The following ARHGAP8 variants were observed in gnomAD, a reference collection of about 807,000 sequenced individuals.
The protein encoded by ARHGAP8 is Rho GTPase activating protein 8.
ARHGAP8 carries 62 observed loss-of-function variants against 46.1 expected under a neutral mutation model. The ratio of observed to expected loss-of-function variants is 1.34; its 90% confidence interval spans 1.10 to 1.66. The LOEUF (loss-of-function observed/expected upper bound fraction) is 1.66, where lower values mean the gene tolerates loss of function less well. Ranked by LOEUF, ARHGAP8 falls within the 40% of genes most tolerant of loss-of-function variation. ARHGAP8 has a pLI of 0.00. For missense variants in ARHGAP8, 923 were observed against 568.4 expected, an observed-to-expected ratio of 1.62 and a Z score of -6.34; for synonymous variants, 375 against 243.1, an observed-to-expected ratio of 1.54 and a Z score of -5.05.
chr22:44,848,048 A>G lies in ARHGAP8; in HGVS notation c.746A>G (p.Gln249Arg). Reference protein sequence around the residue: ...TVREIQRLYNQGKPVNFDDYG... With the variant: ...TVREIQRLYNRGKPVNFDDYG... Reference sequence around the variant, plus strand: ...CGCGAGATCCAGAGGCTCTACAACCAAGGTGAGGGTGTCCCGCAGTCCTGA... The same window carrying G: ...CGCGAGATCCAGAGGCTCTACAACCGAGGTGAGGGTGTCCCGCAGTCCTGA... The change falls in exon 9 of 12, where the codon CAA becomes CGA. Residue 249 changes from glutamine to arginine, a missense_variant and splice_region_variant. Physicochemically the swap from Gln to Arg is conservative, Grantham distance 43. Transcript: ENST00000356099. The G allele has an allele frequency of 6.2e-7, 1 of 1,606,258 alleles. No homozygotes were observed. Among genetic ancestry groups the G allele is most frequent in the Non-Finnish European group, 8.5e-7 (1 of 1,179,914 alleles).
chr22:44,800,398 A>C (rs963819758), intron 2 of ARHGAP8, among the ~76,000 whole-genome samples: 10 of 151,766 alleles, frequency 6.6e-5, no homozygotes, highest in Non-Finnish European at 1.5e-4. Context: ...GAGCCACTGC[A>C]CCCGGCCTGA....
At chr22:44,798,069 C>T (rs1372027808) in intron 2 of ARHGAP8, among the ~76,000 whole-genome samples, 5 of 151,536 alleles carry the variant, frequency 3.3e-5, no homozygotes, top group African/African-American at 1.2e-4. Context: ...CTCCACCTCC[C>T]GAGTTCAAGA....
intron 1 of ARHGAP8, among the ~76,000 whole-genome samples, chr22:44,759,009 A>G (rs1169688815): frequency 1.3e-5 from 2 of 152,220 alleles, no homozygotes; most frequent in Admixed American, 6.5e-5. Flanking sequence ...GGTAGGGATC[A>G]TGGCAGAGGC....
At chr22:44,835,494 G>C (rs549478220) in intron 7 of ARHGAP8, among the ~76,000 whole-genome samples, 1 of 152,060 alleles carries the variant, frequency 6.6e-6, no homozygotes, top group Admixed American at 6.6e-5. Flanking sequence ...GGTTGCAGGC[G>C]CCTATAGGCC....
intron 6 of ARHGAP8, among the ~76,000 whole-genome samples, 196 bp from the exon 7 acceptor site, chr22:44,825,287 T>G (rs935747627): frequency 6.6e-6 from 1 of 152,032 alleles, no homozygotes; most frequent in Middle Eastern, 3.2e-3. Flanking sequence ...CTGCCTCTTA[T>G]GCGAACAGCC....
At chr22:44,799,758 C>G (rs1416702724) in intron 2 of ARHGAP8, among the ~76,000 whole-genome samples, 1 of 148,888 alleles carries the variant, frequency 6.7e-6, no homozygotes, top group African/African-American at 2.5e-5. Context: ...GCGGGGCGGC[C>G]CATCTGTTCT....
At chr22:44,826,349 C>T (rs1200698366) in intron 7 of ARHGAP8, among the ~76,000 whole-genome samples, 3 of 152,176 alleles carry the variant, frequency 2.0e-5, no homozygotes, top group African/African-American at 4.8e-5. Flanking sequence ...ACCTGTCCTT[C>T]CTAATACCCT....
intron 1 of ARHGAP8, among the ~76,000 whole-genome samples, chr22:44,785,069 C>T (rs1243652584): frequency 2.0e-5 from 3 of 152,214 alleles, no homozygotes; most frequent in African/African-American, 7.2e-5. Context: ...TGGGAAGCAG[C>T]TTCCAGCCCA....
In ARHGAP8 at chr22:44,845,355, C is replaced by A. The variant is rs377592891; in HGVS notation, c.670+13C>A. The A allele has an allele frequency of 1.4e-4, 233 of 1,613,910 alleles. 3 individuals carry two copies. The South Asian group carries it at 2.4e-3, about 17-fold the overall frequency. The stretch of plus-strand genomic sequence containing the variant: ...CTGAGAGAGAAAGGTGAGACGGGGC[C>A]GGCTCCAGCTGGATGACGTGAGGGC... On this transcript the variant is annotated intron_variant, in intron 8 of 11. Coordinates refer to ENST00000356099, the MANE Select transcript of ARHGAP8 (RefSeq NM_181335.3).
chr22:44,763,904 G>A (rs1383822607), intron 1 of ARHGAP8, among the ~76,000 whole-genome samples: 4 of 150,756 alleles, frequency 2.7e-5, no homozygotes, highest in Non-Finnish European at 5.9e-5. Flanking sequence ...TCCACCTCCT[G>A]GGTTCACGCC....
intron 3 of ARHGAP8, 139 bp downstream of exon 3, chr22:44,802,303 A>AAGAGCT: frequency 9.0e-7 from 1 of 1,106,624 alleles, no homozygotes; most frequent in Non-Finnish European, 1.3e-6. Context: ...GAGCTCTTGC[A>AAGAGCT]CTCATGAGCC....
intron 11 of ARHGAP8, among the ~76,000 whole-genome samples, chr22:44,860,066 A>C (rs1020129544): frequency 2.7e-4 from 41 of 151,736 alleles, no homozygotes; most frequent in Non-Finnish European, 2.9e-5. Context: ...CTGCTCCTGT[A>C]CCTGCTGTCC....
rs760106218 is a variant in ARHGAP8 at position 44,862,450 on chromosome 22, C to T, written c.1157C>T (p.Ala386Val). ...GAAAAGATCTTCAGCACCCCGGAGG[C>T]ACCTGGGGAGCACGGCCTGGCACCA... ...YYEKIFSTPE[A>V]PGEHGLAPWE... The change falls in exon 12 of 12, where the codon GCA (alanine) becomes GTA (valine). Residue 386 changes from alanine to valine, a missense_variant. Coordinates refer to ENST00000356099, the MANE Select transcript of ARHGAP8 (RefSeq NM_181335.3). The T allele has an allele frequency of 2.8e-5, 45 of 1,613,974 alleles. No homozygotes were observed. Among genetic ancestry groups the T allele is most frequent in the African/African-American group, 4.0e-5 (3 of 74,924 alleles).
At chr22:44,763,806 T>A in intron 1 of ARHGAP8, among the ~76,000 whole-genome samples, 3 of 148,278 alleles carry the variant, frequency 2.0e-5, no homozygotes, top group Admixed American at 6.7e-5. Context: ...TCTTTTCTTT[T>A]TTTTTTTTTT....
At chr22:44,843,864 T>G (rs9626574) in intron 7 of ARHGAP8, among the ~76,000 whole-genome samples, 7 of 149,518 alleles carry the variant, frequency 4.7e-5, no homozygotes, top group Non-Finnish European at 1.0e-4. Flanking sequence ...ATGAGACTTA[T>G]ACTATAAGTA....
At chr22:44,759,505 A>T (rs1037336925) in intron 1 of ARHGAP8, among the ~76,000 whole-genome samples, 1 of 152,176 alleles carries the variant, frequency 6.6e-6, no homozygotes, top group Non-Finnish European at 1.5e-5. Flanking sequence ...TGGGGATAGT[A>T]TGGAGATCAG....
intron 10 of ARHGAP8, among the ~76,000 whole-genome samples, chr22:44,852,629 C>T (rs139249726): frequency 6.6e-6 from 1 of 152,140 alleles, no homozygotes; most frequent in Admixed American, 6.5e-5. Context: ...AGTGCTGTGA[C>T]TAGGTCACTC....
At chr22:44,809,147 C>G (rs543637489) in intron 4 of ARHGAP8, 3 of 470,972 alleles carry the variant, frequency 6.4e-6, no homozygotes, top group South Asian at 3.1e-5. Flanking sequence ...AAGGGCCAGA[C>G]AGTCAGCATT....
intron 2 of ARHGAP8, among the ~76,000 whole-genome samples, chr22:44,793,588 GA>G (rs1280782129): frequency 6.6e-6 from 1 of 152,160 alleles, no homozygotes; most frequent in Non-Finnish European, 1.5e-5. Context: ...CTGCCTTTAT[GA>G]TGCGTTTTAA....
Sources: allele counts gnomAD v4.1 joint callset (sites outside exome capture counted in the v4.1 genomes callset), GRCh38; gene constraint gnomAD v4.1.1; transcripts MANE v1.5; gene names NCBI Gene and HGNC (gene_info 2026-07-23, HGNC 2026-07-21).